ANO3: variants seen among roughly 807,000 people sequenced by gnomAD.
The protein encoded by ANO3 is anoctamin-3.
Under a neutral mutation model 144.8 loss-of-function variants are expected in ANO3, and 99 were observed. The ratio of observed to expected loss-of-function variants is 0.68; its 90% CI spans 0.58 to 0.81. ANO3 has a LOEUF of 0.81. Ranked by LOEUF, ANO3 falls within the 30% of genes least tolerant of loss-of-function variation. The pLI, the probability that ANO3 is intolerant of heterozygous loss-of-function variation, is 0.00. For synonymous variants in ANO3, 414 were observed against 392.6 expected, an observed-to-expected ratio of 1.05 and a Z score of -0.64; for missense variants, 905 against 1,202.2, an observed-to-expected ratio of 0.75 and a Z score of 3.66.
At chr11:26,384,489 A>G (rs994438828) in intron 1 of ANO3, among the ~76,000 whole-genome samples, 1 of 152,188 alleles carries the variant, frequency 6.6e-6, no homozygotes, top group Non-Finnish European at 1.5e-5. Context: ...GGGCTTAAAG[A>G]GGAGTAAATG....
Position 26,595,460 on chromosome 11 carries a change from G to GTTTTTTTTTTTTT in ANO3, c.1448-2890_1448-2878dup, listed in dbSNP as rs201712393. Among the ~76,000 whole-genome samples, 266 of 101,350 alleles carry GTTTTTTTTTTTTT rather than the reference G, an allele frequency of 2.6e-3. 17 individuals carry two copies. The highest frequency in any genetic ancestry group is 5.1e-3 in the African/African-American group (123 of 23,934). The allele number at this position is 101,350 out of a possible 152,430, so 66.5% of individuals were successfully genotyped here. ...TTTGACTCAGTATTGAGATAGAGTT[G>GTTTTTTTTTTTTT]TTTTTTTTTTTTTTTTTTTTTTTTT... On this transcript the variant is annotated intron_variant, in intron 14 of 26. Coordinates refer to ENST00000256737, the MANE Select transcript of ANO3 (RefSeq NM_031418.4).
At chr11:26,400,861 C>G (rs5009323) in intron 1 of ANO3, among the ~76,000 whole-genome samples, 21 of 80,440 alleles carry the variant, frequency 2.6e-4, no homozygotes, top group African/African-American at 5.1e-4. Flanking sequence ...TATATATAGA[C>G]ACACACACAC....
intron 1 of ANO3, among the ~76,000 whole-genome samples, chr11:26,232,581 T>C (rs1852425017): frequency 1.3e-5 from 2 of 152,208 alleles, no homozygotes; most frequent in South Asian, 4.1e-4. Context: ...GCTATCCATA[T>C]GCCAAATCTG....
chr11:26,289,700 GTA>G (rs1337269792), intron 1 of ANO3, among the ~76,000 whole-genome samples: 1 of 95,760 alleles, frequency 1.0e-5, no homozygotes, highest in African/African-American at 3.9e-5. Context: ...TTCTATATGT[GTA>G]TATATATTCT....
intron 1 of ANO3, among the ~76,000 whole-genome samples, chr11:26,293,533 G>GTATATATATA (rs59115569): frequency 1.2e-4 from 3 of 25,938 alleles, no homozygotes; most frequent in East Asian, 1.1e-3. Flanking sequence ...TAAATTCCAT[G>GTATATATATA]TATATATATA....
intron 1 of ANO3, among the ~76,000 whole-genome samples, chr11:26,321,958 T>A (rs1013969535): frequency 1.3e-5 from 2 of 152,060 alleles, no homozygotes; most frequent in African/African-American, 4.8e-5. Flanking sequence ...AGCATTTTCA[T>A]TACTCCAACA....
At chr11:26,429,876 T>C (rs1159995713) in intron 1 of ANO3, among the ~76,000 whole-genome samples, 2 of 152,094 alleles carry the variant, frequency 1.3e-5, no homozygotes, top group Non-Finnish European at 2.9e-5. Context: ...TGCAAAGAGA[T>C]AGATACTAAC....
intron 3 of ANO3, among the ~76,000 whole-genome samples, chr11:26,451,980 C>G (rs1382864466): frequency 6.6e-6 from 1 of 152,186 alleles, no homozygotes; most frequent in African/African-American, 2.4e-5. Flanking sequence ...CAAACAGGGT[C>G]TGGAGTGGAC....
At chr11:26,423,877 A>T (rs1324392970) in intron 1 of ANO3, among the ~76,000 whole-genome samples, 8 of 152,042 alleles carry the variant, frequency 5.3e-5, no homozygotes, top group Admixed American at 5.3e-4. Flanking sequence ...TAACTTTACA[A>T]TTCAGTTCTG....
intron 8 of ANO3, among the ~76,000 whole-genome samples, chr11:26,533,879 A>C (rs933787023): frequency 2.6e-5 from 4 of 152,222 alleles, no homozygotes; most frequent in Non-Finnish European, 5.9e-5. Context: ...TCAGAAGTTG[A>C]GCAAGACCCA....
chr11:26,194,499 AT>A (rs1314412332), intron 1 of ANO3, among the ~76,000 whole-genome samples: 30 of 68,142 alleles, frequency 4.4e-4, no homozygotes, highest in African/African-American at 1.9e-3. Context: ...TTATTTATTT[AT>A]TTATTTATTT....
intron 1 of ANO3, among the ~76,000 whole-genome samples, chr11:26,384,290 C>T (rs889784164): frequency 2.0e-5 from 3 of 151,938 alleles, no homozygotes; most frequent in African/African-American, 7.3e-5. Context: ...ATTGTTAAAT[C>T]GGCAATAGAT....
At chr11:26,419,725 C>T (rs745450472) in intron 1 of ANO3, among the ~76,000 whole-genome samples, 5 of 151,874 alleles carry the variant, frequency 3.3e-5, no homozygotes, top group African/African-American at 4.8e-5. Flanking sequence ...AAGCAAAGTA[C>T]GTATTGTTAA....
chr11:26,332,424 G>T, intron 1 of ANO3, 103 bp downstream of exon 1: 1 of 1,081,112 alleles, frequency 9.2e-7, no homozygotes, highest in Non-Finnish European at 1.4e-6. Flanking sequence ...GCGACACAGA[G>T]GTGGGGAACT....
chr11:26,631,377 C>T (rs905665311), intron 18 of ANO3, among the ~76,000 whole-genome samples: 2 of 151,544 alleles, frequency 1.3e-5, no homozygotes, highest in Non-Finnish European at 1.5e-5. Context: ...CTATATAAGG[C>T]AATATTTATA....
chr11:26,474,192 T>C, intron 4 of ANO3: 1 of 746,396 alleles, frequency 1.3e-6, no homozygotes, highest in Non-Finnish European at 1.6e-6. Context: ...TAAACATATG[T>C]AGAGAAGCCA....
chr11:26,338,766 G>A (rs1855266489), intron 1 of ANO3, among the ~76,000 whole-genome samples: 1 of 152,022 alleles, frequency 6.6e-6, no homozygotes, highest in South Asian at 2.1e-4. Context: ...AGGGTCTGGG[G>A]CTTCACTCCT....
chr11:26,250,010 G>A (rs1564933752), intron 1 of ANO3, among the ~76,000 whole-genome samples: 1 of 152,148 alleles, frequency 6.6e-6, no homozygotes, highest in Non-Finnish European at 1.5e-5. Context: ...ATTTCTAATG[G>A]GAAGTGGCCC....
At chr11:26,602,086 T>C (rs66784200) in intron 17 of ANO3, among the ~76,000 whole-genome samples, 62,353 of 151,866 alleles carry the variant, frequency 0.41, 13,229 homozygotes, top group East Asian at 0.48. Flanking sequence ...AAGACTTGAA[T>C]GGAAGAAGAG....
Sources: gnomAD v4.1 joint callset for allele counts (sites outside exome capture counted in the v4.1 genomes callset) on GRCh38, gnomAD v4.1.1 for gene constraint, MANE v1.5 for transcripts, NCBI Gene and HGNC (gene_info 2026-07-23, HGNC 2026-07-21) for gene names.